The following BACE2 variants were observed in gnomAD, a reference collection of about 807,000 sequenced individuals.
BACE2 encodes 56 kDa aspartic-like protease.
Under a neutral mutation model 46.2 loss-of-function variants are expected in BACE2, and 17 were observed. The observed-to-expected ratio is 0.37, with a 90% CI of 0.25 to 0.55. The LOEUF is 0.55. Among genes scored for constraint, BACE2 ranks in the 20% least tolerant of loss-of-function variants. The pLI, the probability that BACE2 is intolerant of heterozygous loss-of-function variation, is 0.82. For missense variants in BACE2, 595 were observed against 698.1 expected (o/e 0.85, Z 1.66); for synonymous variants, 277 against 295.9 (o/e 0.94, Z 0.66).
At chr21:41,232,409 G>T (rs1485817673) in intron 2 of BACE2, among the ~76,000 whole-genome samples, 2 of 152,158 alleles carry the variant, frequency 1.3e-5, no homozygotes, top group Non-Finnish European at 2.9e-5. Context: ...AGCTCTATAG[G>T]AGCATTTTCC....
chr21:41,204,786 C>A (rs1338276914), intron 1 of BACE2, among the ~76,000 whole-genome samples: 1 of 152,172 alleles, frequency 6.6e-6, no homozygotes, highest in African/African-American at 2.4e-5. Flanking sequence ...TCTGGGTTAG[C>A]ATTCTTTCAA....
In BACE2 at chr21:41,243,835, G is replaced by T. The variant is rs969179613; in HGVS notation, c.882+325G>T. Among the ~76,000 whole-genome samples the T allele has an allele frequency of 1.5e-4, 23 of 152,186 alleles. 1 individual carries two copies. Among genetic ancestry groups the T allele is most frequent in the Admixed American group, 5.2e-4 (8 of 15,284 alleles). On this transcript the variant is annotated intron_variant, in intron 5 of 8. Coordinates refer to ENST00000330333, the MANE Select transcript of BACE2 (RefSeq NM_012105.5). The stretch of plus-strand genomic sequence containing the variant: ...ATGGTCCCTAAGCTCAGTTTAAGAG[G>T]TTGAAATAAACAGATTTTTAATCAG...
intron 1 of BACE2, chr21:41,180,581 A>G (rs1187333024): frequency 6.0e-6 from 1 of 167,058 alleles, no homozygotes; most frequent in Non-Finnish European, 1.5e-5. Context: ...AATCTAGAAT[A>G]CACAAACTTT....
intron 1 of BACE2, among the ~76,000 whole-genome samples, chr21:41,222,561 A>G (rs73902960): frequency 6.8e-4 from 104 of 152,350 alleles, no homozygotes; most frequent in African/African-American, 2.4e-3. Flanking sequence ...ATGTCAGGGC[A>G]TGGCGAGTGA....
At chr21:41,251,806 A>G (rs1987648662) in intron 7 of BACE2, among the ~76,000 whole-genome samples, 1 of 152,136 alleles carries the variant, frequency 6.6e-6, no homozygotes, top group Admixed American at 6.5e-5. Flanking sequence ...TCTCAGAAAA[A>G]AAACAAAAAA....
At chr21:41,189,099 G>A (rs1467573825) in intron 1 of BACE2, among the ~76,000 whole-genome samples, 1 of 151,840 alleles carries the variant, frequency 6.6e-6, no homozygotes, top group Non-Finnish European at 1.5e-5. Context: ...CTGATTCACT[G>A]TATATGAACT....
At chr21:41,267,378 C>G (rs563849356) in intron 8 of BACE2, among the ~76,000 whole-genome samples, 1 of 152,092 alleles carries the variant, frequency 6.6e-6, no homozygotes, top group Non-Finnish European at 1.5e-5. Flanking sequence ...CCTACGGCTA[C>G]GAAAATAATA....
intron 1 of BACE2, among the ~76,000 whole-genome samples, chr21:41,174,142 T>TTTTTTTTTTTTTTTTTTC (rs1984714925): frequency 7.6e-6 from 1 of 130,956 alleles, no homozygotes; most frequent in Non-Finnish European, 1.6e-5. Context: ...CAGTGGCCTT[T>TTTTTTTTTTTTTTTTTTC]TTTTTTTTTT....
chr21:41,272,054 T>G (rs2088439974), intron 8 of BACE2, among the ~76,000 whole-genome samples: 1 of 152,020 alleles, frequency 6.6e-6, no homozygotes, highest in South Asian at 2.1e-4. Flanking sequence ...TTTTATTTCT[T>G]CTTCATTTTT....
chr21:41,237,790 C>T, intron 3 of BACE2, 61 bp downstream of exon 3: 9 of 1,410,228 alleles, frequency 6.4e-6, no homozygotes, highest in Non-Finnish European at 9.0e-6. Flanking sequence ...GAAAATCAGT[C>T]ATTAAAGGGC....
intron 8 of BACE2, among the ~76,000 whole-genome samples, chr21:41,264,637 T>A (rs538306529): frequency 4.6e-5 from 7 of 152,094 alleles, no homozygotes; most frequent in African/African-American, 7.2e-5. Context: ...GACAACCATA[T>A]CTTGTGAGAA....
chr21:41,243,304 T>C, intron 4 of BACE2, 72 bp from the exon 5 acceptor site: 1 of 1,298,884 alleles, frequency 7.7e-7, no homozygotes, highest in East Asian at 2.6e-5. Flanking sequence ...TACAAGTGCA[T>C]GCTTCTCTGT....
chr21:41,182,000 T>G (rs1395226217), intron 1 of BACE2: 1 of 167,006 alleles, frequency 6.0e-6, no homozygotes, highest in African/African-American at 2.4e-5. Flanking sequence ...TGGTATCTGG[T>G]TGGGTCTTAG....
rs754370965 is a variant in BACE2 at position 41,168,557 on chromosome 21, C to T, written c.294C>T (p.Ile98=). The stretch of plus-strand genomic sequence containing the variant: ...GCGGCTACTACCTGGAGATGCTGAT[C>T]GGGACCCCCCCGCAGAAGGTAGGGA... ...SGRGYYLEML[I]GTPPQKLQIL... is the part of the protein sequence containing the mutation. The change falls in exon 1 of 9, where the codon ATC becomes ATT. Residue 98 remains isoleucine (I), a synonymous_variant. Transcript: ENST00000330333. 5 of 1,329,194 alleles carry T rather than the reference C, an allele frequency of 3.8e-6. No homozygotes were observed. Among genetic ancestry groups the T allele is most frequent in the African/African-American group, 3.0e-5 (2 of 66,338 alleles). The allele number at this position is 1,329,194 out of a possible 1,614,324, so 82.3% of individuals were successfully genotyped here.
intron 1 of BACE2, chr21:41,183,430 A>G (rs916807455): frequency 6.0e-6 from 1 of 167,054 alleles, no homozygotes; most frequent in South Asian, 2.1e-4. Flanking sequence ...ATACCCAAAA[A>G]CATATTAAAT....
chr21:41,246,588 TTCACAGAAGACAAAGAACAA>T (rs1310260044), intron 6 of BACE2, among the ~76,000 whole-genome samples: 1 of 152,218 alleles, frequency 6.6e-6, no homozygotes, highest in Non-Finnish European at 1.5e-5. Flanking sequence ...ATACCATTTT[TTCACAGAAGACAAAGAACAA>T]TCAGCCAATC....
At chr21:41,259,163 C>T (rs572327800) in intron 8 of BACE2, among the ~76,000 whole-genome samples, 1 of 152,238 alleles carries the variant, frequency 6.6e-6, no homozygotes, top group East Asian at 1.9e-4. Context: ...TAATATTAGG[C>T]GTCTCTAGGC....
chr21:41,211,324 C>G (rs1489194186), intron 1 of BACE2, among the ~76,000 whole-genome samples: 1 of 152,126 alleles, frequency 6.6e-6, no homozygotes, highest in Non-Finnish European at 1.5e-5. Flanking sequence ...CACATGCACA[C>G]ACAGCCAGAA....
At chr21:41,179,669 C>A (rs1053644214) in intron 1 of BACE2, 2 of 1,344,600 alleles carry the variant, frequency 1.5e-6, no homozygotes, top group African/African-American at 3.0e-5. Context: ...TTTAGTAGAA[C>A]AAAGGCCTTA....
Sources: allele counts gnomAD v4.1 joint callset (sites outside exome capture counted in the v4.1 genomes callset), GRCh38; gene constraint gnomAD v4.1.1; transcripts MANE v1.5; gene names NCBI Gene and HGNC (gene_info 2026-07-23, HGNC 2026-07-21).